SPATA17: variants seen among roughly 807,000 people sequenced by gnomAD.
The protein encoded by SPATA17 is spermatogenesis associated 17.
A neutral mutation model predicts 62.2 loss-of-function variants in SPATA17; 53 were observed. The ratio of observed to expected loss-of-function variants is 0.85; its 90% CI spans 0.68 to 1.07. The LOEUF is 1.07. SPATA17 is among the 50% of genes least tolerant of loss of function. SPATA17 has a pLI of 0.00. For missense variants in SPATA17, 466 were observed against 425.5 expected (o/e 1.10, Z -0.84); for synonymous variants, 146 against 146.8 (o/e 0.99, Z 0.04).
At chr1:217,728,558 T>C (rs1297650168) in intron 5 of SPATA17, among the ~76,000 whole-genome samples, 2 of 152,206 alleles carry the variant, frequency 1.3e-5, no homozygotes, top group Non-Finnish European at 2.9e-5. Context: ...CTCATTTGTT[T>C]GCTTTTTGAA....
intron 10 of SPATA17, among the ~76,000 whole-genome samples, chr1:217,866,115 T>C (rs1192773144): frequency 1.3e-5 from 2 of 151,910 alleles, no homozygotes; most frequent in Admixed American, 1.3e-4. Context: ...GAGGGGAGAG[T>C]AATAATTAAG....
intron 5 of SPATA17, among the ~76,000 whole-genome samples, chr1:217,704,247 T>TA (rs1423825094): frequency 1.3e-4 from 16 of 123,588 alleles, no homozygotes; most frequent in Non-Finnish European, 1.7e-4. Context: ...TTTTTTTTTT[T>TA]TTTTTTTTTT....
intron 5 of SPATA17, among the ~76,000 whole-genome samples, chr1:217,740,898 G>T (rs1672612822): frequency 6.6e-6 from 1 of 152,144 alleles, no homozygotes; most frequent in Admixed American, 6.5e-5. Context: ...TTGCTCAGCT[G>T]CAATAGCATA....
intron 8 of SPATA17, among the ~76,000 whole-genome samples, chr1:217,794,223 C>T (rs1674078486): frequency 1.3e-5 from 2 of 152,054 alleles, no homozygotes; most frequent in African/African-American, 2.4e-5. Context: ...TCCCCTGTGA[C>T]TATCACCTAG....
intron 3 of SPATA17, among the ~76,000 whole-genome samples, chr1:217,662,148 C>A (rs1258096893): frequency 6.6e-6 from 1 of 152,046 alleles, no homozygotes; most frequent in African/African-American, 2.4e-5. Context: ...AATTTGCCTT[C>A]CTTTTTTATA....
At chr1:217,854,808 G>A (rs1245206990) in intron 9 of SPATA17, among the ~76,000 whole-genome samples, 1 of 152,188 alleles carries the variant, frequency 6.6e-6, no homozygotes, top group African/African-American at 2.4e-5. Context: ...TTGAGTGAGA[G>A]AGTAAGGATG....
intron 3 of SPATA17, among the ~76,000 whole-genome samples, chr1:217,668,332 A>G (rs1210883897): frequency 2.6e-5 from 4 of 152,210 alleles, no homozygotes; most frequent in Non-Finnish European, 5.9e-5. Context: ...GACTTACTGT[A>G]ACAGAAATTT....
At chr1:217,642,039 A>AT (rs1015640957) in intron 1 of SPATA17, among the ~76,000 whole-genome samples, 6 of 151,988 alleles carry the variant, frequency 3.9e-5, no homozygotes, top group African/African-American at 1.2e-4. Context: ...GGTTTGTCTG[A>AT]TTTTTCCCCT....
At chr1:217,739,118 G>T (rs1025521580) in intron 5 of SPATA17, among the ~76,000 whole-genome samples, 2 of 152,046 alleles carry the variant, frequency 1.3e-5, no homozygotes, top group African/African-American at 4.8e-5. Flanking sequence ...CTTTGCAAAA[G>T]TTTCAGTAAT....
intron 6 of SPATA17, among the ~76,000 whole-genome samples, chr1:217,764,317 A>T (rs1175839297): frequency 1.3e-5 from 2 of 152,174 alleles, no homozygotes; most frequent in Admixed American, 1.3e-4. Flanking sequence ...CTCTTCCAGA[A>T]TGTCAGATTG....
At position 217,791,989 on chromosome 1, in the gene SPATA17, C is replaced by T. The variant is rs186034085; in HGVS notation, c.872+9667C>T. Among the ~76,000 whole-genome samples the T allele has an allele frequency of 3.3e-5, 5 of 152,160 alleles. No homozygotes were observed. The East Asian group carries it at 9.6e-4, about 29-fold the overall frequency. ...TAACCAGGGGTGTCCAGTTTTTTGG[C>T]TTCCCTGGGCCACACTGGAAGAAGA... On this transcript the variant is annotated intron_variant, in intron 8 of 10. Coordinates refer to ENST00000366933, the MANE Select transcript of SPATA17 (RefSeq NM_138796.4).
intron 9 of SPATA17, among the ~76,000 whole-genome samples, chr1:217,835,186 G>A (rs1184422328): frequency 5.3e-5 from 8 of 152,072 alleles, no homozygotes; most frequent in African/African-American, 1.9e-4. Context: ...GACTATATGA[G>A]TTTTCCAAGA....
At position 217,703,176 on chromosome 1, in the gene SPATA17, T is replaced by G. The variant is rs563756640; in HGVS notation, c.395+19815T>G. On this transcript the variant is annotated intron_variant, in intron 5 of 10. Transcript: ENST00000366933. Reference sequence around the variant, plus strand: ...AGGCGTGAGCCATTGCGCTCGGCCTTTTTTTTTTTTTTGAAATGGAGTCTC... The same window carrying G: ...AGGCGTGAGCCATTGCGCTCGGCCTGTTTTTTTTTTTTGAAATGGAGTCTC... Among the ~76,000 whole-genome samples the G allele has an allele frequency of 6.2e-4, 79 of 128,146 alleles. 1 individual carries two copies. Among genetic ancestry groups the G allele is most frequent in the Non-Finnish European group, 1.1e-3 (65 of 60,108 alleles). 84.1% of individuals were successfully genotyped at this position (128,146 alleles called of 152,430 possible). A position where few individuals can be genotyped will look rare whatever the true frequency, so the allele number is the denominator to read the frequency against.
intron 4 of SPATA17, among the ~76,000 whole-genome samples, chr1:217,682,254 A>G (rs1486861584): frequency 1.3e-5 from 2 of 152,030 alleles, no homozygotes; most frequent in African/African-American, 4.8e-5. Flanking sequence ...TTATATTAGC[A>G]AAGATAGGAC....
chr1:217,645,389 T>G lies in SPATA17; in HGVS notation c.69-3493T>G, dbSNP rs1670156465. Among the ~76,000 whole-genome samples the G allele has an allele frequency of 2.0e-5, 3 of 152,150 alleles. No individual in the cohort carries two copies. In the South Asian group the frequency reaches 6.2e-4, roughly 31 times the overall value. Reference sequence around the variant, plus strand: ...GAGTTCCTACAAATACATTAATAACTAATATGGTAACTTCAAAAGAAGCAT... The same window carrying G: ...GAGTTCCTACAAATACATTAATAACGAATATGGTAACTTCAAAAGAAGCAT... On this transcript the variant is annotated intron_variant, in intron 1 of 10. Coordinates refer to ENST00000366933, the MANE Select transcript of SPATA17 (RefSeq NM_138796.4).
At chr1:217,774,006 A>G (rs1673525304) in intron 6 of SPATA17, among the ~76,000 whole-genome samples, 1 of 152,182 alleles carries the variant, frequency 6.6e-6, no homozygotes, top group South Asian at 2.1e-4. Flanking sequence ...TAGAATACAA[A>G]ATGAATGGCT....
At chr1:217,816,082 G>T (rs954413714) in intron 9 of SPATA17, among the ~76,000 whole-genome samples, 2 of 151,922 alleles carry the variant, frequency 1.3e-5, no homozygotes, top group African/African-American at 2.4e-5. Flanking sequence ...TACAAAAGAT[G>T]TACACACATC....
chr1:217,735,207 T>A (rs779296356), intron 5 of SPATA17, among the ~76,000 whole-genome samples: 1 of 152,226 alleles, frequency 6.6e-6, no homozygotes, highest in African/African-American at 2.4e-5. Flanking sequence ...TGGGCTGCTG[T>A]AGCAGAATTC....
intron 3 of SPATA17, among the ~76,000 whole-genome samples, chr1:217,666,389 C>T (rs1670694995): frequency 6.6e-6 from 1 of 151,916 alleles, no homozygotes; most frequent in African/African-American, 2.4e-5. Context: ...GTTCAAGTAA[C>T]CCAAAGGGTT....
Sources: allele counts gnomAD v4.1 joint callset (sites outside exome capture counted in the v4.1 genomes callset), GRCh38; gene constraint gnomAD v4.1.1; transcripts MANE v1.5; gene names NCBI Gene and HGNC (gene_info 2026-07-23, HGNC 2026-07-21).